HMGXB3: variants seen among roughly 807,000 people sequenced by gnomAD.
The protein encoded by HMGXB3 is HMG-box containing 3.
Under a neutral mutation model 121.5 loss-of-function variants are expected in HMGXB3, and 45 were observed. The ratio of observed to expected loss-of-function variants is 0.37; its 90% CI spans 0.29 to 0.47. The LOEUF (loss-of-function observed/expected upper bound fraction) is 0.47, where lower values mean the gene tolerates loss of function less well. HMGXB3 is among the 20% of genes least tolerant of loss of function. HMGXB3 has a pLI of 0.99. For missense variants in HMGXB3, 1,376 were observed against 1,602.2 expected, an observed-to-expected ratio of 0.86 and a Z score of 2.41; for synonymous variants, 590 against 624.1, an observed-to-expected ratio of 0.95 and a Z score of 0.81.
At chr5:150,034,465 T>C (rs1294286966) in intron 11 of HMGXB3, among the ~76,000 whole-genome samples, 1 of 152,136 alleles carries the variant, frequency 6.6e-6, no homozygotes, top group East Asian at 1.9e-4. Context: ...CGGTTTGCAG[T>C]GGAAGTGGGT....
chr5:150,042,087 G>A (rs572138832), intron 15 of HMGXB3, 118 bp downstream of exon 15: 1 of 722,934 alleles, frequency 1.4e-6, no homozygotes, highest in East Asian at 2.9e-5. Context: ...TGAGGCAAGT[G>A]AGTTTTTCCT....
chr5:150,029,714 C>T (rs757345769), intron 9 of HMGXB3, among the ~76,000 whole-genome samples: 6 of 152,136 alleles, frequency 3.9e-5, no homozygotes, highest in Non-Finnish European at 7.3e-5. Flanking sequence ...AATAGGAAAA[C>T]GGGTCTGCCA....
intron 5 of HMGXB3, among the ~76,000 whole-genome samples, chr5:150,017,013 G>A (rs1755975999): frequency 6.6e-6 from 1 of 152,154 alleles, no homozygotes; most frequent in South Asian, 2.1e-4. Flanking sequence ...GGAACAGCCT[G>A]CAGCTTTGAC....
In HMGXB3 at chr5:150,038,953, A is replaced by G. The variant is rs553268281; in HGVS notation, c.2413+1426A>G. Among the ~76,000 whole-genome samples, 4 of 152,330 alleles carry G rather than the reference A, an allele frequency of 2.6e-5. No individual in the cohort carries two copies. In the South Asian group the frequency reaches 8.3e-4, roughly 32 times the overall value. On this transcript the variant is annotated intron_variant, in intron 13 of 19. Coordinates refer to ENST00000502717, the MANE Select transcript of HMGXB3 (RefSeq NM_014983.3). Reference sequence around the variant, plus strand: ...ACCTAAGTTTTCATTTCTCTTGGGTAAATACCTAGGAGTCAGATTGCTGGG... The same window carrying G: ...ACCTAAGTTTTCATTTCTCTTGGGTGAATACCTAGGAGTCAGATTGCTGGG...
chr5:150,011,265 C>G (rs1268345926), intron 4 of HMGXB3, among the ~76,000 whole-genome samples: 1 of 152,150 alleles, frequency 6.6e-6, no homozygotes, highest in African/African-American at 2.4e-5. Flanking sequence ...TCTACAGTGG[C>G]CTAAGTGTCA....
chr5:150,001,295 C>T (rs1755557835), intron 1 of HMGXB3, 116 bp downstream of exon 1: 2 of 152,290 alleles, frequency 1.3e-5, no homozygotes, highest in Non-Finnish European at 2.9e-5. Context: ...GCCTTAGTGT[C>T]CTCCTTCCGC....
intron 1 of HMGXB3, among the ~76,000 whole-genome samples, chr5:150,004,462 T>A (rs996999941): frequency 2.1e-4 from 32 of 152,210 alleles, no homozygotes; most frequent in African/African-American, 6.5e-4. Flanking sequence ...CATTTTTTTT[T>A]AACCTGTTTC....
In HMGXB3 at chr5:150,036,955, C is replaced by T; in HGVS notation, c.2285+18C>T. ...GGACAAAAGTAAGCACCCCTTAACT[C>T]TGCCCCTAGCTACCCCATCCCATTT... On this transcript the variant is annotated intron_variant, in intron 12 of 19. Coordinates refer to ENST00000502717, the MANE Select transcript of HMGXB3 (RefSeq NM_014983.3). 19 of 1,535,936 alleles carry T rather than the reference C, an allele frequency of 1.2e-5. No homozygotes were observed. Among genetic ancestry groups the T allele is most frequent in the Non-Finnish European group, 1.7e-5 (19 of 1,138,406 alleles).
At chr5:150,014,026 G>A (rs971043482) in intron 5 of HMGXB3, among the ~76,000 whole-genome samples, 3 of 152,198 alleles carry the variant, frequency 2.0e-5, no homozygotes, top group African/African-American at 7.2e-5. Context: ...CAAACCACTT[G>A]TTGCTTATTT....
Position 150,010,465 on chromosome 5 carries a change from G to A in HMGXB3, c.667G>A (p.Val223Ile). The A allele has an allele frequency of 6.4e-7, 1 of 1,551,674 alleles. No homozygotes were observed. The change falls in exon 4 of 20, where the codon GTA becomes ATA. Residue 223 changes from valine (V) to isoleucine (I), a missense_variant. By Grantham distance (29) the Val-to-Ile change is conservative. Around this residue, in one of 2 missense-constraint regions of HMGXB3, gnomAD observed 1,116 missense variants for 1,369.0 expected, o/e 0.82. Coordinates refer to ENST00000502717, the MANE Select transcript of HMGXB3 (RefSeq NM_014983.3). ...DVLLEDASLE[V>I]GESHQPYQTS... Reference sequence around the variant, plus strand: ...GCTCCTAGAGGACGCTTCCCTAGAAGTAGGGGAGAGCCACCAACCTTACCA... The same window carrying A: ...GCTCCTAGAGGACGCTTCCCTAGAAATAGGGGAGAGCCACCAACCTTACCA...
At chr5:150,018,367 C>G (rs1256854370) in intron 5 of HMGXB3, among the ~76,000 whole-genome samples, 199 bp from the exon 6 acceptor site, 4 of 152,250 alleles carry the variant, frequency 2.6e-5, no homozygotes, top group South Asian at 4.1e-4. Flanking sequence ...TTGTCTTTCC[C>G]CATTTGAACT....
chr5:150,050,514 C>G (rs780587408), intron 19 of HMGXB3, 53 bp downstream of exon 19: 25 of 1,378,400 alleles, frequency 1.8e-5, no homozygotes, highest in Non-Finnish European at 2.5e-5. Flanking sequence ...CCATGTCTTG[C>G]TCTGTCACCC....
chr5:150,016,275 A>T (rs1441589319), intron 5 of HMGXB3, among the ~76,000 whole-genome samples: 1 of 144,692 alleles, frequency 6.9e-6, no homozygotes, highest in Non-Finnish European at 1.5e-5. Flanking sequence ...CAGTAGTTGG[A>T]GGATACAGTG....
At chr5:150,029,795 A>G (rs1482293284) in intron 9 of HMGXB3, among the ~76,000 whole-genome samples, 2 of 152,242 alleles carry the variant, frequency 1.3e-5, no homozygotes, top group East Asian at 3.8e-4. Flanking sequence ...CCTGACAGGA[A>G]TATCAACTGG....
chr5:150,006,675 T>G, intron 3 of HMGXB3, 28 bp downstream of exon 3: 1 of 1,544,922 alleles, frequency 6.5e-7, no homozygotes, highest in Admixed American at 2.0e-5. Context: ...CCAGCTATTT[T>G]TTCCACTGGT....
chr5:150,049,059 G>A (rs1756827049), intron 18 of HMGXB3, among the ~76,000 whole-genome samples: 1 of 152,220 alleles, frequency 6.6e-6, no homozygotes. Context: ...GTAACAGGGA[G>A]GAACCTGCTG....
chr5:150,031,528 T>G (rs1030298372), intron 10 of HMGXB3, among the ~76,000 whole-genome samples: 2 of 152,250 alleles, frequency 1.3e-5, no homozygotes, highest in Non-Finnish European at 2.9e-5. Flanking sequence ...ATCTGTAAAG[T>G]GCTGCATTGG....
At chr5:150,046,942 G>C (rs911735383) in intron 16 of HMGXB3, among the ~76,000 whole-genome samples, 5 of 150,174 alleles carry the variant, frequency 3.3e-5, no homozygotes, top group African/African-American at 7.4e-5. Context: ...CTGGAGTGCA[G>C]TGTTGTGATC....
chr5:150,003,904 A>G (rs1285182155), intron 1 of HMGXB3, among the ~76,000 whole-genome samples: 1 of 152,208 alleles, frequency 6.6e-6, no homozygotes, highest in Admixed American at 6.5e-5. Flanking sequence ...TAGTGAGCCC[A>G]GAGTGTGCCA....
Sources: allele counts gnomAD v4.1 joint callset (sites outside exome capture counted in the v4.1 genomes callset), GRCh38; gene constraint gnomAD v4.1.1; regional missense constraint gnomAD v4.1.1; transcripts MANE v1.5; gene names NCBI Gene and HGNC (gene_info 2026-07-23, HGNC 2026-07-21).